The following TRERF1 variants were observed in gnomAD, a reference collection of about 807,000 sequenced individuals.
The protein encoded by TRERF1 is transcriptional regulating factor 1.
In TRERF1, 27 loss-of-function variants were observed where a neutral mutation model predicts 122.9. The observed-to-expected ratio is 0.22, with a 90% CI of 0.16 to 0.30. The LOEUF is 0.30. Among genes scored for constraint, TRERF1 ranks in the 10% least tolerant of loss-of-function variants. The pLI is 1.00. For missense variants in TRERF1, 1,248 were observed against 1,560.3 expected (o/e 0.80, Z 3.37); for synonymous variants, 636 against 641.7 (o/e 0.99, Z 0.13).
At chr6:42,290,332 T>C (rs1392290792) in intron 4 of TRERF1, among the ~76,000 whole-genome samples, 1 of 152,194 alleles carries the variant, frequency 6.6e-6, no homozygotes, top group Non-Finnish European at 1.5e-5. Context: ...TCGCGACTTT[T>C]GCTTCCACAG....
chr6:42,427,573 C>T (rs564027362), intron 2 of TRERF1, among the ~76,000 whole-genome samples: 36 of 144,068 alleles, frequency 2.5e-4, no homozygotes, highest in Admixed American at 9.9e-4. Flanking sequence ...TTTTTTGAGA[C>T]GAGGTCTCAT....
At position 42,323,414 on chromosome 6, in the gene TRERF1, G is replaced by T. The variant is rs184227432; in HGVS notation, c.-370-22665C>A. ...GGGTTTAACCATATTGGCCAGGCTG[G>T]TCTCAAACTCCTGACCTCGTGATCC... On this transcript the variant is annotated intron_variant, in intron 3 of 17. Transcript: ENST00000372922. Among the ~76,000 whole-genome samples, 518 of 152,086 alleles carry T rather than the reference G, an allele frequency of 3.4e-3. 4 individuals are homozygous for T. Among genetic ancestry groups the T allele is most frequent in the Admixed American group, 6.7e-3 (103 of 15,280 alleles).
chr6:42,231,526 C>T (rs1054840468), intron 17 of TRERF1, among the ~76,000 whole-genome samples: 4 of 152,134 alleles, frequency 2.6e-5, no homozygotes, highest in Non-Finnish European at 4.4e-5. Flanking sequence ...GGGATGTTTT[C>T]GTGGTAGAGT....
intron 15 of TRERF1, among the ~76,000 whole-genome samples, chr6:42,242,055 G>T (rs371327232): frequency 6.6e-6 from 1 of 152,168 alleles, no homozygotes; most frequent in African/African-American, 2.4e-5. Context: ...TGATCATGCC[G>T]CTGCATTCTA....
chr6:42,340,706 TC>T (rs1169957020), intron 3 of TRERF1, among the ~76,000 whole-genome samples: 2 of 152,120 alleles, frequency 1.3e-5, no homozygotes, highest in Non-Finnish European at 2.9e-5. Context: ...GCTCAAGCGA[TC>T]CTCCCACCTC....
chr6:42,347,894 G>A (rs1020661638), intron 3 of TRERF1, among the ~76,000 whole-genome samples: 3 of 152,346 alleles, frequency 2.0e-5, no homozygotes, highest in East Asian at 1.9e-4. Context: ...AAGTAATACC[G>A]AACGGGGAGC....
intron 3 of TRERF1, among the ~76,000 whole-genome samples, chr6:42,340,762 AG>A (rs1767128723): frequency 6.6e-6 from 1 of 152,156 alleles, no homozygotes; most frequent in African/African-American, 2.4e-5. Flanking sequence ...CACCGCACCC[AG>A]CGGCAAAAAA....
chr6:42,248,836 G>C (rs1193284700), intron 13 of TRERF1, among the ~76,000 whole-genome samples: 1 of 152,082 alleles, frequency 6.6e-6, no homozygotes, highest in Non-Finnish European at 1.5e-5. Flanking sequence ...AGCACAGGGG[G>C]TTGGTGGGAT....
intron 2 of TRERF1, among the ~76,000 whole-genome samples, chr6:42,373,517 A>T (rs1434911297): frequency 6.6e-6 from 1 of 151,964 alleles, no homozygotes; most frequent in Admixed American, 6.5e-5. Flanking sequence ...AATACAAAAA[A>T]TTAGCTGGGT....
chr6:42,432,029 G>A (rs1021847496), intron 2 of TRERF1, among the ~76,000 whole-genome samples: 3 of 152,202 alleles, frequency 2.0e-5, no homozygotes, highest in African/African-American at 7.2e-5. Context: ...ACAGGCTCTA[G>A]GGTCAGAATG....
rs79182696 is a variant in TRERF1, at chr6:42,385,372, G to A, written c.-453-22293C>T. 1.3e-4 allele frequency among the ~76,000 whole-genome samples: 20 copies of A among 152,274 alleles called. No homozygotes were observed. The East Asian group carries it at 3.9e-3, about 29-fold the overall frequency. On this transcript the variant is annotated intron_variant, in intron 2 of 17. Coordinates refer to ENST00000372922, the Ensembl canonical transcript of TRERF1. ...CTCTTCTTAACAGGGTTTTGAAAAT[G>A]TTCTTCCTCAAAATTACCTTCCCAT...
intron 2 of TRERF1, among the ~76,000 whole-genome samples, chr6:42,445,258 A>G (rs1165726008): frequency 8.1e-6 from 1 of 123,886 alleles, no homozygotes; most frequent in African/African-American, 3.1e-5. Flanking sequence ...ACAGAGCAAG[A>G]CTCCATCTCA....
intron 2 of TRERF1, among the ~76,000 whole-genome samples, chr6:42,408,086 C>G (rs931734996): frequency 6.6e-6 from 1 of 151,668 alleles, no homozygotes; most frequent in Non-Finnish European, 1.5e-5. Context: ...GGTTATTTCA[C>G]CAATATAGTC....
chr6:42,249,344 T>C (rs1775344425), intron 13 of TRERF1, among the ~76,000 whole-genome samples: 1 of 152,090 alleles, frequency 6.6e-6, no homozygotes, highest in Non-Finnish European at 1.5e-5. Flanking sequence ...GTGGATATAC[T>C]TTTTTCTACC....
chr6:42,398,071 G>C (rs78483709), intron 2 of TRERF1, among the ~76,000 whole-genome samples: 2,053 of 152,322 alleles, frequency 0.013, 45 homozygotes, highest in African/African-American at 0.046. Context: ...CCAAGAAGAA[G>C]GTGATAAGTC....
chr6:42,442,508 A>G (rs1008860467), intron 2 of TRERF1, among the ~76,000 whole-genome samples: 7 of 152,214 alleles, frequency 4.6e-5, no homozygotes, highest in African/African-American at 1.4e-4. Context: ...GGGGCCCCAC[A>G]GAAGGGACAG....
At chr6:42,246,334 G>T in intron 14 of TRERF1, 122 bp downstream of exon 14, 2 of 780,600 alleles carry the variant, frequency 2.6e-6, no homozygotes, top group Non-Finnish European at 4.3e-6. Flanking sequence ...ATCCTCACCA[G>T]CGAGTGTGGA....
At chr6:42,451,954 TA>T (rs896714380) in intron 1 of TRERF1, 28 bp from the exon 1 acceptor site, 1 of 152,186 alleles carries the variant, frequency 6.6e-6, no homozygotes, top group African/African-American at 2.4e-5. Flanking sequence ...CAGAAATACA[TA>T]TGTATCTCTC....
At chr6:42,254,745 G>A (rs1776421101) in intron 13 of TRERF1, 106 bp downstream of exon 13, 1 of 1,051,668 alleles carries the variant, frequency 9.5e-7, no homozygotes, top group South Asian at 1.3e-5. Flanking sequence ...CACAAGTGGT[G>A]ATTAGGACAG....
Sources: allele counts gnomAD v4.1 joint callset (sites outside exome capture counted in the v4.1 genomes callset), GRCh38; gene constraint gnomAD v4.1.1; transcripts MANE v1.5; gene names NCBI Gene and HGNC (gene_info 2026-07-23, HGNC 2026-07-21).